The following UBL3 variants were observed in gnomAD, a reference collection of about 807,000 sequenced individuals.
UBL3 encodes ubiquitin-like protein 3.
UBL3 carries 6 observed loss-of-function variants against 18.4 expected under a neutral mutation model. The ratio of observed to expected loss-of-function variants is 0.33; its 90% CI spans 0.18 to 0.64. The LOEUF is 0.64. UBL3 is among the 30% of genes least tolerant of loss of function. The pLI is 0.76. For missense variants in UBL3, 109 were observed against 142.9 expected (o/e 0.76, Z 1.21); for synonymous variants, 49 against 46.6 (o/e 1.05, Z -0.21).
chr13:29,832,270 T>A (rs1278624058), intron 1 of UBL3, among the ~76,000 whole-genome samples: 1 of 152,066 alleles, frequency 6.6e-6, no homozygotes, highest in Non-Finnish European at 1.5e-5. Context: ...GAGCAACTAA[T>A]TCTGTGGCCT....
intron 1 of UBL3, among the ~76,000 whole-genome samples, chr13:29,828,127 T>C (rs1878673101): frequency 6.6e-6 from 1 of 152,186 alleles, no homozygotes; most frequent in Non-Finnish European, 1.5e-5. Context: ...TTCCTTCATT[T>C]CAACTTGGTG....
At chr13:29,841,342 T>C (rs992571971) in intron 1 of UBL3, among the ~76,000 whole-genome samples, 4 of 151,956 alleles carry the variant, frequency 2.6e-5, no homozygotes, top group Admixed American at 2.6e-4. Flanking sequence ...CCGAAATCAC[T>C]AAATCCTTTA....
At position 29,765,269 on chromosome 13, in the gene UBL3, C is replaced by T. The variant is rs976989217; in HGVS notation, c.*1986G>A. ...CAGTAGTTTGTTTTACAAAATAGAGCCATAAATTGTTTAATTGCCCAATTA... is the reference window on the plus strand; with the variant it reads ...CAGTAGTTTGTTTTACAAAATAGAGTCATAAATTGTTTAATTGCCCAATTA... On this transcript the variant is annotated 3_prime_UTR_variant, in exon 5 of 5. Coordinates refer to ENST00000380680, the MANE Select transcript of UBL3 (RefSeq NM_007106.4). 3.9e-5 allele frequency: 6 copies of T among 151,966 alleles called. No individual in the cohort carries two copies. Among genetic ancestry groups the T allele is most frequent in the South Asian group, 2.1e-4 (1 of 4,822 alleles). The allele number at this position is 151,966 out of a possible 1,614,324, so 9.4% of individuals were successfully genotyped here. A position where few individuals can be genotyped will look rare whatever the true frequency, so the allele number is the denominator to read the frequency against.
intron 2 of UBL3, among the ~76,000 whole-genome samples, 168 bp from the exon 3 acceptor site, chr13:29,772,366 G>C (rs371741013): frequency 2.6e-5 from 4 of 151,934 alleles, no homozygotes; most frequent in East Asian, 3.9e-4. Context: ...CGCAACCTTG[G>C]TTATTACTTA....
intron 1 of UBL3, among the ~76,000 whole-genome samples, chr13:29,794,646 C>T (rs1280842753): frequency 6.6e-6 from 1 of 152,196 alleles, no homozygotes; most frequent in Non-Finnish European, 1.5e-5. Context: ...CACCTGTCAG[C>T]ATCCTAGTTT....
intron 1 of UBL3, among the ~76,000 whole-genome samples, chr13:29,780,698 C>T (rs1202880672): frequency 1.3e-5 from 2 of 151,936 alleles, no homozygotes; most frequent in African/African-American, 4.8e-5. Flanking sequence ...ATAACTAAGA[C>T]TACATTTACC....
At chr13:29,816,871 A>T (rs1878297408) in intron 1 of UBL3, among the ~76,000 whole-genome samples, 3 of 151,750 alleles carry the variant, frequency 2.0e-5, no homozygotes, top group Non-Finnish European at 4.4e-5. Context: ...TTGCTTGGAG[A>T]CATTTGCTAT....
intron 1 of UBL3, among the ~76,000 whole-genome samples, chr13:29,812,000 T>C (rs1878100615): frequency 6.6e-6 from 1 of 151,978 alleles, no homozygotes; most frequent in Non-Finnish European, 1.5e-5. Context: ...CAAAATTTCT[T>C]CTCCAATATA....
At chr13:29,839,287 C>T (rs1003541009) in intron 1 of UBL3, among the ~76,000 whole-genome samples, 4 of 152,082 alleles carry the variant, frequency 2.6e-5, no homozygotes, top group Non-Finnish European at 5.9e-5. Context: ...AGAATGATTC[C>T]AGACCACAAC....
chr13:29,782,000 C>T (rs1445234901), intron 1 of UBL3, among the ~76,000 whole-genome samples: 1 of 150,248 alleles, frequency 6.7e-6, no homozygotes, highest in African/African-American at 2.4e-5. Flanking sequence ...GAGACCCCAT[C>T]TCTAAAAAAA....
intron 1 of UBL3, among the ~76,000 whole-genome samples, chr13:29,778,716 C>T (rs1024199769): frequency 1.3e-5 from 2 of 152,102 alleles, no homozygotes; most frequent in Admixed American, 6.5e-5. Flanking sequence ...ACCACCATGG[C>T]CAATGTCACT....
chr13:29,835,691 G>A, intron 1 of UBL3, among the ~76,000 whole-genome samples: 1 of 145,976 alleles, frequency 6.9e-6, no homozygotes. Context: ...GGAGGCGGAG[G>A]TTGCAGTGAG....
At chr13:29,838,020 T>C in intron 1 of UBL3, among the ~76,000 whole-genome samples, 1 of 150,848 alleles carries the variant, frequency 6.6e-6, no homozygotes, top group Non-Finnish European at 1.5e-5. Flanking sequence ...CTACAAGCTT[T>C]ATGTAGATTA....
At chr13:29,815,083 G>A (rs893471448) in intron 1 of UBL3, among the ~76,000 whole-genome samples, 16 of 152,118 alleles carry the variant, frequency 1.1e-4, no homozygotes, top group African/African-American at 3.9e-4. Flanking sequence ...CCAACTATTA[G>A]TTCCCATCCC....
chr13:29,849,797 C>G lies in UBL3; in HGVS notation c.-259G>C, dbSNP rs1879323410. The stretch of plus-strand genomic sequence containing the variant: ...CAGAGGCAGCCCCCGTCGTCGTCGT[C>G]GTCGTCAACAGCAGCAGCAGCCCCA... On this transcript the variant is annotated 5_prime_UTR_variant, in exon 1 of 5. Coordinates refer to ENST00000380680, the MANE Select transcript of UBL3 (RefSeq NM_007106.4). The G allele has an allele frequency of 1.7e-6, 1 of 577,634 alleles. No individual in the cohort carries two copies. The highest frequency in any genetic ancestry group is 3.1e-6 in the Non-Finnish European group (1 of 326,434). The allele number at this position is 577,634 out of a possible 1,614,324, so 35.8% of individuals were successfully genotyped here. A position where few individuals can be genotyped will look rare whatever the true frequency, so the allele number is the denominator to read the frequency against.
At chr13:29,841,143 TCAA>T (rs1879090676) in intron 1 of UBL3, among the ~76,000 whole-genome samples, 2 of 152,062 alleles carry the variant, frequency 1.3e-5, no homozygotes. Context: ...ATGTCAAACT[TCAA>T]CAATTTTCTT....
intron 1 of UBL3, among the ~76,000 whole-genome samples, chr13:29,828,410 C>G (rs1294254064): frequency 1.3e-5 from 2 of 152,180 alleles, no homozygotes; most frequent in African/African-American, 2.4e-5. Flanking sequence ...TCTCTTCCCC[C>G]TTCATTTCAT....
At chr13:29,798,768 AC>A (rs1877681737) in intron 1 of UBL3, among the ~76,000 whole-genome samples, 1 of 152,196 alleles carries the variant, frequency 6.6e-6, no homozygotes, top group Admixed American at 6.5e-5. Flanking sequence ...ATTAAGAGAA[AC>A]CCCAAAAAAC....
At chr13:29,830,028 C>A (rs1878734636) in intron 1 of UBL3, among the ~76,000 whole-genome samples, 2 of 152,152 alleles carry the variant, frequency 1.3e-5, no homozygotes, top group Admixed American at 1.3e-4. Flanking sequence ...TTCTGGAAAA[C>A]CTCCCTTTTG....
Sources: allele counts gnomAD v4.1 joint callset (sites outside exome capture counted in the v4.1 genomes callset), GRCh38; gene constraint gnomAD v4.1.1; transcripts MANE v1.5; gene names NCBI Gene and HGNC (gene_info 2026-07-23, HGNC 2026-07-21).